The following REDIC1 variants were observed in gnomAD, a reference collection of about 807,000 sequenced individuals.
REDIC1 encodes regulator of DNA class I crossover intermediates 1.
chr12:39,894,854 A>G, the REDIC1 span, among the ~76,000 whole-genome samples: 1 of 152,176 alleles, frequency 6.6e-6, no homozygotes, highest in Non-Finnish European at 1.5e-5. Flanking sequence ...AGTCAAAGAA[A>G]AAAGGGAGAA....
chr12:39,876,309 T>C, the REDIC1 span, among the ~76,000 whole-genome samples: 1 of 152,252 alleles, frequency 6.6e-6, no homozygotes, highest in Non-Finnish European at 1.5e-5. Flanking sequence ...CAGTCTATCC[T>C]AATGCTGACT....
the REDIC1 span, among the ~76,000 whole-genome samples, chr12:39,782,928 T>A: frequency 2.6e-5 from 4 of 152,136 alleles, no homozygotes; most frequent in African/African-American, 9.7e-5. Flanking sequence ...TGTGCAGGTT[T>A]GTTATGTATG....
the REDIC1 span, among the ~76,000 whole-genome samples, chr12:39,893,338 C>T: frequency 6.6e-5 from 10 of 152,286 alleles, no homozygotes; most frequent in Non-Finnish European, 8.8e-5. Flanking sequence ...CTCACTCTGT[C>T]GCCCAGGCTG....
the REDIC1 span, among the ~76,000 whole-genome samples, chr12:39,713,962 C>T: frequency 3.4e-5 from 5 of 147,002 alleles, no homozygotes; most frequent in Non-Finnish European, 6.0e-5. Context: ...CGTGTATATA[C>T]AGGTATGTGC....
the REDIC1 span, among the ~76,000 whole-genome samples, chr12:39,711,911 A>G: frequency 8.1e-6 from 1 of 122,844 alleles, no homozygotes; most frequent in Non-Finnish European, 1.8e-5. Context: ...ATACACATGT[A>G]TATACACATA....
the REDIC1 span, among the ~76,000 whole-genome samples, chr12:39,853,973 A>AGTGTTTAAATTT: frequency 6.6e-6 from 1 of 152,188 alleles, no homozygotes. Context: ...TTGTTAAAAT[A>AGTGTTTAAATTT]AAATCCTAGT....
chr12:39,897,921 T>C, the REDIC1 span, among the ~76,000 whole-genome samples: 9 of 152,124 alleles, frequency 5.9e-5, no homozygotes, highest in African/African-American at 2.2e-4. Context: ...CTATGAAATA[T>C]AAGAATTTTG....
the REDIC1 span, among the ~76,000 whole-genome samples, chr12:39,672,917 G>T: frequency 6.6e-6 from 1 of 152,122 alleles, no homozygotes; most frequent in Non-Finnish European, 1.5e-5. Context: ...TTGGGACCTG[G>T]CATTAACTCC....
chr12:39,655,701 G>A, the REDIC1 span, among the ~76,000 whole-genome samples: 17 of 152,038 alleles, frequency 1.1e-4, no homozygotes, highest in Non-Finnish European at 2.2e-4. Flanking sequence ...CTTCCATTAC[G>A]GGGCTCTCCA....
At chr12:39,702,958 C>G in the REDIC1 span, among the ~76,000 whole-genome samples, 2 of 152,134 alleles carry the variant, frequency 1.3e-5, no homozygotes, top group African/African-American at 4.8e-5. Context: ...CTATCTATGA[C>G]AAACCCACAG....
the REDIC1 span, among the ~76,000 whole-genome samples, chr12:39,705,289 A>G: frequency 6.6e-6 from 1 of 152,062 alleles, no homozygotes; most frequent in Non-Finnish European, 1.5e-5. Flanking sequence ...TGAACAGTCC[A>G]ATAACGAGTA....
chr12:39,838,347 G>T, the REDIC1 span, among the ~76,000 whole-genome samples: 1 of 113,502 alleles, frequency 8.8e-6, no homozygotes, highest in Non-Finnish European at 1.8e-5. Flanking sequence ...GTGGTGGGGT[G>T]GGGGGAGGGG....
chr12:39,745,823 T>C, the REDIC1 span: 2 of 152,238 alleles, frequency 1.3e-5, no homozygotes, highest in Non-Finnish European at 2.9e-5. Flanking sequence ...AATGTAAGCA[T>C]GGTGCCATGT....
the REDIC1 span, among the ~76,000 whole-genome samples, chr12:39,642,058 T>C: frequency 6.6e-6 from 1 of 151,850 alleles, no homozygotes; most frequent in Admixed American, 6.6e-5. Context: ...TCCTTTTTAA[T>C]GACTGTTTTC....
chr12:39,852,697 A>T, the REDIC1 span, among the ~76,000 whole-genome samples: 1 of 152,262 alleles, frequency 6.6e-6, no homozygotes, highest in African/African-American at 2.4e-5. Flanking sequence ...CAAAAGGATC[A>T]GAGGCTACTC....
the REDIC1 span, among the ~76,000 whole-genome samples, chr12:39,661,497 GTTGT>G: frequency 1.3e-5 from 2 of 151,754 alleles, no homozygotes; most frequent in African/African-American, 2.4e-5. Context: ...TTTTTAACGG[GTTGT>G]TTGTTTTTTT....
the REDIC1 span, among the ~76,000 whole-genome samples, chr12:39,688,512 G>T: frequency 6.6e-6 from 1 of 152,178 alleles, no homozygotes; most frequent in Non-Finnish European, 1.5e-5. Flanking sequence ...AAGGGTGCAG[G>T]AGTGGCCTAG....
At chr12:39,742,752 A>C in the REDIC1 span, among the ~76,000 whole-genome samples, 1 of 152,198 alleles carries the variant, frequency 6.6e-6, no homozygotes, top group Non-Finnish European at 1.5e-5. Flanking sequence ...GGAGCTTGGA[A>C]GTCACTCTGT....
the REDIC1 span, among the ~76,000 whole-genome samples, chr12:39,774,405 A>C: frequency 6.6e-6 from 1 of 152,180 alleles, no homozygotes; most frequent in Non-Finnish European, 1.5e-5. Context: ...TTCAGTAGGC[A>C]TATTTCCTAT....
Sources: gnomAD v4.1 joint callset for allele counts (sites outside exome capture counted in the v4.1 genomes callset) on GRCh38, gnomAD v4.1.1 for gene constraint, MANE v1.5 for transcripts, NCBI Gene and HGNC (gene_info 2026-07-23, HGNC 2026-07-21) for gene names.